SMCO4: variants seen among roughly 807,000 people sequenced by gnomAD.
The protein encoded by SMCO4 is single-pass membrane protein with coiled-coil domains 4.
A neutral mutation model predicts 3.6 loss-of-function variants in SMCO4; 4 were observed. That is an observed-to-expected ratio of 1.11 (90% CI 0.54 to 2.53). The LOEUF (loss-of-function observed/expected upper bound fraction) is 2.53. SMCO4 is among the 30% of genes most tolerant of loss of function. SMCO4 has a pLI of 0.02. For missense variants in SMCO4, 70 were observed against 80.8 expected, an observed-to-expected ratio of 0.87 and a Z score of 0.51; for synonymous variants, 36 against 35.3, an observed-to-expected ratio of 1.02 and a Z score of -0.07.
rs369643237 is a variant in SMCO4, at chr11:93,534,375, T to TATATATAG, written c.-154+8900_-154+8901insCTATATAT. Among the ~76,000 whole-genome samples the TATATATAG allele has an allele frequency of 3.1e-3, 439 of 142,136 alleles. 5 individuals are homozygous for TATATATAG. Among genetic ancestry groups the TATATATAG allele is most frequent in the East Asian group, 0.023 (114 of 4,860 alleles). The allele number at this position is 142,136 out of a possible 152,430, so 93.2% of individuals were successfully genotyped here. A position where few individuals can be genotyped will look rare whatever the true frequency, so the allele number is the denominator to read the frequency against. Reference sequence around the variant, plus strand: ...ACACATACATATATATATATATATATAGAGAGAGAGAGAGAGAGAGATACA... The same window carrying TATATATAG: ...ACACATACATATATATATATATATATATATATAGAGAGAGAGAGAGAGAGAGAGATACA... On this transcript the variant is annotated intron_variant, in intron 1 of 2. Coordinates refer to ENST00000298966, the MANE Select transcript of SMCO4 (RefSeq NM_020179.3).
chr11:93,537,922 C>A (rs1036504815), intron 1 of SMCO4: 2 of 152,390 alleles, frequency 1.3e-5, no homozygotes, highest in African/African-American at 4.8e-5. Context: ...CTCCTCGCAG[C>A]GAGAACACAG....
Position 93,521,154 on chromosome 11 carries a change from T to C in SMCO4, c.-153-21806A>G, listed in dbSNP as rs188598720. On this transcript the variant is annotated intron_variant, in intron 1 of 2. Transcript: ENST00000298966. ...AACTGGCAAAACCAGGACATCTCTT[T>C]GTATGCACACACCTGCTCTGTTGCA... 2.4e-3 allele frequency among the ~76,000 whole-genome samples: 362 copies of C among 152,352 alleles called. 4 individuals are homozygous for C. The highest frequency in any genetic ancestry group is 8.4e-3 in the African/African-American group (351 of 41,574).
In SMCO4 at chr11:93,492,050, G is replaced by C. The variant is rs137994244; in HGVS notation, c.-81+7226C>G. Among the ~76,000 whole-genome samples the C allele has an allele frequency of 5.4e-4, 83 of 152,336 alleles. 3 individuals are homozygous for C. The East Asian group carries it at 0.013, about 23-fold the overall frequency. On this transcript the variant is annotated intron_variant, in intron 2 of 2. Coordinates refer to ENST00000298966, the MANE Select transcript of SMCO4 (RefSeq NM_020179.3). ...GATGGCAGACAAACGGAAAGAATGA[G>C]GGACTAACTGAATTTATCAAACAGA...
intron 1 of SMCO4, among the ~76,000 whole-genome samples, chr11:93,504,096 T>C (rs1948875398): frequency 6.6e-6 from 1 of 152,242 alleles, no homozygotes; most frequent in African/African-American, 2.4e-5. Context: ...CCCAAATTTC[T>C]ACAATTAGTC....
intron 1 of SMCO4, among the ~76,000 whole-genome samples, chr11:93,523,816 A>T (rs1949082038): frequency 6.6e-6 from 1 of 152,228 alleles, no homozygotes; most frequent in South Asian, 2.1e-4. Flanking sequence ...CCTCATTTTT[A>T]AAAATACTGG....
chr11:93,528,694 G>A (rs1949134960), intron 1 of SMCO4, among the ~76,000 whole-genome samples: 1 of 152,156 alleles, frequency 6.6e-6, no homozygotes, highest in Admixed American at 6.5e-5. Context: ...AGACCCCCAT[G>A]CCAATCATTT....
At chr11:93,480,228 G>A (rs546845915) in intron 2 of SMCO4, among the ~76,000 whole-genome samples, 4 of 152,298 alleles carry the variant, frequency 2.6e-5, no homozygotes, top group South Asian at 2.1e-4. Flanking sequence ...AAAATGGGCA[G>A]GACATTATGC....
chr11:93,520,216 C>T (rs1307458819), intron 1 of SMCO4, among the ~76,000 whole-genome samples: 1 of 152,154 alleles, frequency 6.6e-6, no homozygotes, highest in Admixed American at 6.5e-5. Context: ...CAGCAACATA[C>T]CCAGGGCAAC....
chr11:93,493,944 AT>A (rs1275869225), intron 2 of SMCO4, among the ~76,000 whole-genome samples: 1 of 152,024 alleles, frequency 6.6e-6, no homozygotes, highest in African/African-American at 2.4e-5. Context: ...GTTCTCCCTT[AT>A]CCTAAACATC....
At chr11:93,496,535 G>A (rs1396982399) in intron 2 of SMCO4, among the ~76,000 whole-genome samples, 1 of 152,074 alleles carries the variant, frequency 6.6e-6, no homozygotes, top group Non-Finnish European at 1.5e-5. Flanking sequence ...AAGGGTGTAA[G>A]AATGCTATAG....
chr11:93,480,320 T>C (rs1244179697), intron 2 of SMCO4, among the ~76,000 whole-genome samples: 1 of 152,130 alleles, frequency 6.6e-6, no homozygotes, highest in Admixed American at 6.5e-5. Flanking sequence ...GCACTGGACA[T>C]GGGCACTGGA....
intron 2 of SMCO4, among the ~76,000 whole-genome samples, chr11:93,490,352 G>A (rs140000178): frequency 1.3e-3 from 196 of 152,324 alleles, no homozygotes; most frequent in African/African-American, 4.3e-3. Context: ...CTAAATAAAC[G>A]TGAAGTAACT....
intron 1 of SMCO4, among the ~76,000 whole-genome samples, chr11:93,509,736 A>G (rs375956314): frequency 2.0e-5 from 3 of 152,208 alleles, no homozygotes; most frequent in African/African-American, 4.8e-5. Flanking sequence ...CAAACATCCT[A>G]TGTTCTCACT....
the SMCO4 span, among the ~76,000 whole-genome samples, chr11:93,551,066 T>C: frequency 6.6e-6 from 1 of 152,220 alleles, no homozygotes; most frequent in Non-Finnish European, 1.5e-5. Context: ...GAACACCTAG[T>C]ACATGCAGGC....
At chr11:93,540,701 C>G (rs931077343) in intron 1 of SMCO4, among the ~76,000 whole-genome samples, 1 of 152,168 alleles carries the variant, frequency 6.6e-6, no homozygotes, top group Non-Finnish European at 1.5e-5. Context: ...GATGCTCACT[C>G]CTACCTCACA....
the SMCO4 span, among the ~76,000 whole-genome samples, chr11:93,550,018 T>C: frequency 6.6e-6 from 1 of 152,206 alleles, no homozygotes; most frequent in Non-Finnish European, 1.5e-5. Context: ...CTGCTTTCGT[T>C]TGAAAAAAGC....
At chr11:93,509,468 T>A (rs2134607935) in intron 1 of SMCO4, among the ~76,000 whole-genome samples, 1 of 152,268 alleles carries the variant, frequency 6.6e-6, no homozygotes, top group East Asian at 1.9e-4. Flanking sequence ...ACAATCCCAG[T>A]ATCTACCCAG....
At chr11:93,486,763 A>G (rs1948654887) in intron 2 of SMCO4, among the ~76,000 whole-genome samples, 1 of 152,132 alleles carries the variant, frequency 6.6e-6, no homozygotes, top group African/African-American at 2.4e-5. Flanking sequence ...CCTGTACACT[A>G]ACGCCCATTA....
chr11:93,492,579 AG>A (rs1948730887), intron 2 of SMCO4, among the ~76,000 whole-genome samples: 1 of 152,222 alleles, frequency 6.6e-6, no homozygotes, highest in African/African-American at 2.4e-5. Flanking sequence ...GAGCATTACA[AG>A]GGACTGCCTC....
Sources: gnomAD v4.1 joint callset for allele counts (sites outside exome capture counted in the v4.1 genomes callset) on GRCh38, gnomAD v4.1.1 for gene constraint, MANE v1.5 for transcripts, NCBI Gene and HGNC (gene_info 2026-07-23, HGNC 2026-07-21) for gene names.